Variants in NADK observed in about 807,000 individuals in gnomAD.
The protein encoded by NADK is poly(P)/ATP NAD kinase.
In NADK, 22 loss-of-function variants were observed where a neutral mutation model predicts 49.8. The observed-to-expected ratio is 0.44, with a 90% confidence interval of 0.32 to 0.63. The LOEUF is 0.63. NADK is among the 30% of genes least tolerant of loss of function. The pLI is 0.06. For missense variants in NADK, 438 were observed against 609.4 expected, an observed-to-expected ratio of 0.72 and a Z score of 2.96; for synonymous variants, 268 against 253.7, an observed-to-expected ratio of 1.06 and a Z score of -0.54.
intron 1 of NADK, among the ~76,000 whole-genome samples, chr1:1,773,922 A>G (rs1409420779): frequency 6.6e-6 from 1 of 151,778 alleles, no homozygotes; most frequent in African/African-American, 2.4e-5. Flanking sequence ...TTTTGTAGAG[A>G]CAGGGTCTCG....
intron 1 of NADK, among the ~76,000 whole-genome samples, chr1:1,775,031 C>T (rs1034876311): frequency 7.2e-5 from 11 of 152,094 alleles, no homozygotes; most frequent in Non-Finnish European, 1.2e-4. Context: ...ATCGCTTGAA[C>T]CCAGGCGGCA....
At chr1:1,757,155 G>GCCCCCCTCCCCCCCCCCC in intron 4 of NADK, 26 bp downstream of exon 4, 2 of 1,299,248 alleles carry the variant, frequency 1.5e-6, no homozygotes, top group Admixed American at 2.2e-5. Flanking sequence ...TGCACCCCAG[G>GCCCCCCTCCCCCCCCCCC]CCCCCTTCCC....
intron 3 of NADK, chr1:1,759,180 C>G (rs1239316161): frequency 6.4e-7 from 1 of 1,568,784 alleles, no homozygotes; most frequent in African/African-American, 1.4e-5. Flanking sequence ...GCGTCGTACA[C>G]CGGCCCAGGC....
Position 1,754,625 on chromosome 1 carries a change from G to A in NADK, c.762C>T (p.Ala254=), listed in dbSNP as rs149217477. ...CGTTCTCACCCAGCCCATTGTGCAC[G>A]GCCGTCTTCTTCCCCCGGAGCTCCT... ...VVKELRGKKT[A]VHNGLGENGS... is the part of the protein sequence containing the mutation. The change falls in exon 8 of 12, where the codon GCC becomes GCT. Residue 254 remains alanine (A), a synonymous_variant. Coordinates refer to ENST00000341426, the MANE Select transcript of NADK (RefSeq NM_023018.5). The surrounding 1 kb of genome is among the most constrained non-coding windows in gnomAD (Gnocchi z 4.3). 349 of 1,613,774 alleles carry A rather than the reference G, an allele frequency of 2.2e-4. No homozygotes were observed. Among genetic ancestry groups the A allele is most frequent in the Non-Finnish European group, 2.7e-4 (323 of 1,179,910 alleles).
At chr1:1,762,092 C>CAA in intron 2 of NADK, 57 bp from the exon 3 acceptor site, 2 of 1,447,742 alleles carry the variant, frequency 1.4e-6, no homozygotes, top group South Asian at 1.1e-5. Flanking sequence ...CATGCAGTGA[C>CAA]AGACACAGAT....
chr1:1,769,322 A>G (rs540544486), intron 1 of NADK, among the ~76,000 whole-genome samples: 2 of 152,286 alleles, frequency 1.3e-5, no homozygotes, highest in African/African-American at 2.4e-5. Flanking sequence ...CGAAGCGGGC[A>G]GATCACCTGA....
chr1:1,756,590 C>T lies in NADK; in HGVS notation c.412G>A (p.Val138Met). The change falls in exon 5 of 12, where the codon GTG becomes ATG. Residue 138 changes from valine to methionine, a missense_variant. Transcript: ENST00000341426. ...HLMEENMIVY[V>M]EKKVLEDPAI... ...GGGTCTTCTAGCACTTTCTTTTCCACATACACGATCATGTTCTCCTGGAAG... is the reference window on the plus strand; with the variant it reads ...GGGTCTTCTAGCACTTTCTTTTCCATATACACGATCATGTTCTCCTGGAAG... 6.2e-7 allele frequency: 1 copy of T among 1,614,138 alleles called. No individual in the cohort carries two copies. The highest frequency in any genetic ancestry group is 8.5e-7 in the Non-Finnish European group (1 of 1,180,044).
At chr1:1,776,525 C>T (rs531635164) in intron 1 of NADK, among the ~76,000 whole-genome samples, 1 of 152,260 alleles carries the variant, frequency 6.6e-6, no homozygotes, top group South Asian at 2.1e-4. Context: ...CCTGTAATCC[C>T]AGCACTTTGG....
chr1:1,759,862 G>A (rs1405176404), intron 3 of NADK: 2 of 1,550,802 alleles, frequency 1.3e-6, no homozygotes, highest in Non-Finnish European at 8.7e-7. Flanking sequence ...CTGACGGCTG[G>A]TGAAGGCAGC....
chr1:1,760,466 G>A (rs1204602968), intron 3 of NADK, among the ~76,000 whole-genome samples: 2 of 152,248 alleles, frequency 1.3e-5, no homozygotes, highest in South Asian at 2.1e-4. Context: ...ACAGCCCAGG[G>A]CTGGGGCCTC....
intron 3 of NADK, 82 bp from the exon 4 acceptor site, chr1:1,757,392 A>G: frequency 1.5e-6 from 2 of 1,302,530 alleles, no homozygotes; most frequent in Non-Finnish European, 2.1e-6. Flanking sequence ...AATAAAAAAA[A>G]AAATCTTTAA....
At chr1:1,756,809 C>T (rs748145706) in intron 4 of NADK, 45 of 965,074 alleles carry the variant, frequency 4.7e-5, no homozygotes, top group Non-Finnish European at 7.1e-5. Flanking sequence ...GAGGGGGCTC[C>T]CTCTCAGGAA....
At chr1:1,772,105 A>G (rs1337670287) in intron 1 of NADK, among the ~76,000 whole-genome samples, 2 of 151,768 alleles carry the variant, frequency 1.3e-5, no homozygotes, top group Non-Finnish European at 2.9e-5. Flanking sequence ...CACCTCACCC[A>G]GCTGGAAAAA....
intron 2 of NADK, among the ~76,000 whole-genome samples, chr1:1,763,456 T>A (rs1444264894): frequency 6.6e-6 from 1 of 151,728 alleles, no homozygotes; most frequent in Non-Finnish European, 1.5e-5. Context: ...CCATCTCTAC[T>A]AAAAATACAA....
In NADK at chr1:1,752,253, G is replaced by A. The variant is rs1237757782; in HGVS notation, c.*651C>T. On this transcript the variant is annotated 3_prime_UTR_variant, in exon 12 of 12. Transcript: ENST00000341426. ...TTAAACTACCTTCCTGGGAGCAGAA[G>A]CTACGTGAGGAATGTGTGGGTCGCT... The A allele has an allele frequency of 2.6e-5, 4 of 152,658 alleles. No homozygotes were observed. Among genetic ancestry groups the A allele is most frequent in the African/African-American group, 9.6e-5 (4 of 41,476 alleles). 9.5% of individuals were successfully genotyped at this position (152,658 alleles called of 1,614,324 possible).
Position 1,753,111 on chromosome 1 carries a change from C to T in NADK, c.1185-51G>A, listed in dbSNP as rs769583583. The T allele has an allele frequency of 1.5e-5, 24 of 1,566,474 alleles. No homozygotes were observed. The South Asian group carries it at 2.8e-4, about 18-fold the overall frequency. On this transcript the variant is annotated intron_variant, in intron 11 of 11. Transcript: ENST00000341426. ...GCCAGGGCTTCCAGAAAGGCCCACC[C>T]CCGGCCAAGAACCCTTCCTCCCTCC...
intron 1 of NADK, among the ~76,000 whole-genome samples, chr1:1,772,971 G>T (rs1163474762): frequency 6.6e-6 from 1 of 151,234 alleles, no homozygotes; most frequent in Non-Finnish European, 1.5e-5. Flanking sequence ...AACCTGGGAG[G>T]GGGAGGTTGC....
At chr1:1,759,840 T>A in intron 3 of NADK, 1 of 1,551,142 alleles carries the variant, frequency 6.4e-7, no homozygotes, top group Non-Finnish European at 8.7e-7. Context: ...GACCCCGCCC[T>A]GGCCCGAGTG....
rs1178919737 is a variant in NADK at position 1,751,700 on chromosome 1, GCCTT to G, written c.*1200_*1203del. ...TCACGGGCAGAGGAGAACGTCTTGT[GCCTT>G]CCTTATCGATCTCCAGCAGATGAGG... On this transcript the variant is annotated 3_prime_UTR_variant, in exon 12 of 12. Coordinates refer to ENST00000341426, the MANE Select transcript of NADK (RefSeq NM_023018.5). The G allele has an allele frequency of 1.3e-5, 2 of 150,752 alleles. No homozygotes were observed. Among genetic ancestry groups the G allele is most frequent in the African/African-American group, 4.9e-5 (2 of 41,012 alleles). The allele number at this position is 150,752 out of a possible 1,614,324, so 9.3% of individuals were successfully genotyped here.
Sources: allele counts gnomAD v4.1 joint callset (sites outside exome capture counted in the v4.1 genomes callset), GRCh38; gene constraint gnomAD v4.1.1; non-coding constraint Gnocchi (gnomAD v3.1); transcripts MANE v1.5; gene names NCBI Gene and HGNC (gene_info 2026-07-23, HGNC 2026-07-21).